TANC1: variants seen among roughly 807,000 people sequenced by gnomAD.
TANC1 encodes protein TANC1.
TANC1 carries 77 observed loss-of-function variants against 149.7 expected under a neutral mutation model. The ratio of observed to expected loss-of-function variants is 0.51; its 90% CI spans 0.43 to 0.62. The LOEUF (loss-of-function observed/expected upper bound fraction) is 0.62. Among genes scored for constraint, TANC1 ranks in the 20% least tolerant of loss-of-function variants. TANC1 has a pLI of 0.00. For missense variants in TANC1, 1,985 were observed against 2,321.8 expected (o/e 0.85, Z 2.98); for synonymous variants, 854 against 925.0 (o/e 0.92, Z 1.39).
At chr2:159,107,056 C>T (rs139340654) in intron 4 of TANC1, among the ~76,000 whole-genome samples, 362 of 152,272 alleles carry the variant, frequency 2.4e-3, no homozygotes, top group African/African-American at 8.5e-3. Context: ...GACGGAGTCT[C>T]GCTCTGTCTC....
chr2:159,178,269 C>T (rs141174723), intron 13 of TANC1, among the ~76,000 whole-genome samples: 1,551 of 152,368 alleles, frequency 0.01, 17 homozygotes, highest in Middle Eastern at 0.024. Context: ...GCCCTGGCCT[C>T]GTTGCCGCTG....
At chr2:159,179,779 G>A (rs2056283438) in intron 14 of TANC1, among the ~76,000 whole-genome samples, 1 of 152,220 alleles carries the variant, frequency 6.6e-6, no homozygotes, top group African/African-American at 2.4e-5. Context: ...CTGGGCCGCT[G>A]TTATCACAGT....
intron 1 of TANC1, among the ~76,000 whole-genome samples, chr2:158,969,095 G>C (rs1482238724): frequency 7.2e-5 from 11 of 152,318 alleles, no homozygotes; most frequent in Admixed American, 2.6e-4. Context: ...GGTGGGAACC[G>C]GGAACGCTTG....
At chr2:159,120,998 CA>C (rs2048793723) in intron 4 of TANC1, among the ~76,000 whole-genome samples, 1 of 152,106 alleles carries the variant, frequency 6.6e-6, no homozygotes, top group African/African-American at 2.4e-5. Context: ...ATGATTTTTC[CA>C]AATCAAGTAG....
intron 2 of TANC1, among the ~76,000 whole-genome samples, chr2:159,043,984 A>G (rs1435609007): frequency 1.3e-5 from 2 of 152,156 alleles, no homozygotes; most frequent in Non-Finnish European, 2.9e-5. Flanking sequence ...CCCGTTCTAC[A>G]GACTGTCCTG....
intron 2 of TANC1, among the ~76,000 whole-genome samples, chr2:159,061,794 C>T (rs999221671): frequency 6.6e-6 from 1 of 152,322 alleles, no homozygotes; most frequent in Middle Eastern, 3.4e-3. Context: ...TGACATCTGA[C>T]GTTCTTCACA....
chr2:159,004,179 A>C, intron 2 of TANC1: 1 of 1,612,670 alleles, frequency 6.2e-7, no homozygotes, highest in Non-Finnish European at 8.5e-7. Flanking sequence ...CAGTTTAACA[A>C]GCCTTAGGAA....
At chr2:159,099,271 G>C (rs894494394) in intron 4 of TANC1, among the ~76,000 whole-genome samples, 11 of 152,000 alleles carry the variant, frequency 7.2e-5, no homozygotes, top group African/African-American at 2.7e-4. Context: ...TCAGTATTTG[G>C]GGAAGTTCCT....
chr2:158,996,189 C>T (rs1457228185), intron 1 of TANC1, among the ~76,000 whole-genome samples: 1 of 152,056 alleles, frequency 6.6e-6, no homozygotes, highest in Non-Finnish European at 1.5e-5. Context: ...CCCAAGTCTG[C>T]AAAAAATACT....
intron 16 of TANC1, among the ~76,000 whole-genome samples, chr2:159,189,507 A>G (rs1363353572): frequency 1.3e-5 from 2 of 152,252 alleles, no homozygotes; most frequent in Non-Finnish European, 2.9e-5. Context: ...TTTAACATGT[A>G]CAGATGCTGA....
At chr2:159,163,219 G>A in intron 7 of TANC1, 64 bp from the exon 8 acceptor site, 1 of 1,535,312 alleles carries the variant, frequency 6.5e-7, no homozygotes, top group Admixed American at 1.9e-5. Context: ...CAGTGTGCAT[G>A]TTTTAATTCT....
intron 4 of TANC1, among the ~76,000 whole-genome samples, chr2:159,134,679 T>C (rs2050469233): frequency 6.6e-6 from 1 of 151,998 alleles, no homozygotes; most frequent in South Asian, 2.1e-4. Context: ...TGAGACGGGG[T>C]TTCACCATCT....
intron 1 of TANC1, among the ~76,000 whole-genome samples, chr2:158,992,659 T>A (rs2035754285): frequency 6.8e-6 from 1 of 146,490 alleles, no homozygotes; most frequent in Admixed American, 7.0e-5. Flanking sequence ...CCCACCACCA[T>A]GCCCAGCTAA....
intron 19 of TANC1, among the ~76,000 whole-genome samples, chr2:159,205,882 A>G (rs551082598): frequency 1.3e-5 from 2 of 152,370 alleles, no homozygotes; most frequent in East Asian, 1.9e-4. Flanking sequence ...TATGTGTTAC[A>G]TGGAACGCAC....
intron 2 of TANC1, among the ~76,000 whole-genome samples, chr2:159,017,200 A>T (rs149269499): frequency 3.6e-4 from 55 of 152,292 alleles, no homozygotes; most frequent in Admixed American, 1.5e-3. Context: ...TATATGGGAC[A>T]TACAGCCACC....
chr2:159,052,229 G>C (rs1450296903), intron 2 of TANC1, among the ~76,000 whole-genome samples: 1 of 139,342 alleles, frequency 7.2e-6, no homozygotes, highest in Non-Finnish European at 1.7e-5. Flanking sequence ...TTTTGTTTTT[G>C]TACATTGTCT....
intron 4 of TANC1, among the ~76,000 whole-genome samples, chr2:159,101,936 C>G (rs2046755745): frequency 6.6e-6 from 1 of 152,180 alleles, no homozygotes; most frequent in South Asian, 2.1e-4. Flanking sequence ...GTGCCGGCCA[C>G]TTCCGCTTCT....
intron 16 of TANC1, among the ~76,000 whole-genome samples, chr2:159,188,879 A>G (rs1203794224): frequency 1.3e-5 from 2 of 152,238 alleles, no homozygotes; most frequent in African/African-American, 4.8e-5. Flanking sequence ...GGCTTCTGTG[A>G]TCATGGTCGG....
chr2:159,228,367 G>A (rs1264763667), intron 25 of TANC1: 3 of 253,544 alleles, frequency 1.2e-5, no homozygotes, highest in Admixed American at 1.0e-4. Flanking sequence ...ATTTGTAACC[G>A]GTCGTGGGGA....
Sources: allele counts gnomAD v4.1 joint callset (sites outside exome capture counted in the v4.1 genomes callset), GRCh38; gene constraint gnomAD v4.1.1; transcripts MANE v1.5; gene names NCBI Gene and HGNC (gene_info 2026-07-23, HGNC 2026-07-21).